Variants in ADARB2 observed in about 807,000 individuals in gnomAD.
The protein encoded by ADARB2 is adenosine deaminase RNA specific B2 (inactive).
A neutral mutation model predicts 62.2 loss-of-function variants in ADARB2; 25 were observed. The observed-to-expected ratio is 0.40, with a 90% CI of 0.29 to 0.56. The LOEUF (loss-of-function observed/expected upper bound fraction) is 0.56. Ranked by LOEUF, ADARB2 falls within the 20% of genes least tolerant of loss-of-function variation. The probability of loss-of-function intolerance (pLI) is 0.43; values close to 1 mark genes in which losing one functional copy is unlikely to be tolerated. For synonymous variants in ADARB2, 572 were observed against 500.8 expected (o/e 1.14, Z -1.90); for missense variants, 1,071 against 1,077.4 (o/e 0.99, Z 0.08).
At chr10:1,485,941 T>C (rs1831538117) in intron 1 of ADARB2, among the ~76,000 whole-genome samples, 1 of 152,228 alleles carries the variant, frequency 6.6e-6, no homozygotes, top group Admixed American at 6.5e-5. Flanking sequence ...TCTAACTTCA[T>C]CATTGGATTC....
rs375809007 is a variant in ADARB2 at position 1,546,813 on chromosome 10, A to G, written c.101-167653T>C. Among the ~76,000 whole-genome samples, 39 of 152,336 alleles carry G rather than the reference A, an allele frequency of 2.6e-4. 1 individual carries two copies. In the East Asian group the frequency reaches 7.5e-3, roughly 29 times the overall value. On this transcript the variant is annotated intron_variant, in intron 1 of 9. Coordinates refer to ENST00000381312, the MANE Select transcript of ADARB2 (RefSeq NM_018702.4). ...CCATTCCGATGGAAGGCCCTGACAA[A>G]CGACTCCCTGCAAAGCCGGATAAGC...
intron 3 of ADARB2, chr10:1,291,000 G>C (rs1831461233): frequency 6.6e-6 from 1 of 152,094 alleles, no homozygotes; most frequent in Non-Finnish European, 1.5e-5. Flanking sequence ...CCTCCGTTTG[G>C]GGCTGATTCA....
chr10:1,655,407 T>C (rs1834161276), intron 1 of ADARB2, among the ~76,000 whole-genome samples: 4 of 152,224 alleles, frequency 2.6e-5, no homozygotes, highest in Admixed American at 2.6e-4. Flanking sequence ...CATCCAGGCA[T>C]CTTTTCCGGG....
intron 1 of ADARB2, among the ~76,000 whole-genome samples, chr10:1,488,342 C>A (rs1831571723): frequency 6.6e-6 from 1 of 152,194 alleles, no homozygotes; most frequent in African/African-American, 2.4e-5. Flanking sequence ...ATGAGCAGGT[C>A]TGAGTAGCCA....
intron 4 of ADARB2, among the ~76,000 whole-genome samples, chr10:1,244,452 C>T (rs76492746): frequency 1.6e-3 from 237 of 152,288 alleles, no homozygotes; most frequent in African/African-American, 5.2e-3. Flanking sequence ...CTTTGGATTC[C>T]GTGGAAATTG....
Position 1,444,262 on chromosome 10 carries a change from CATCT to C in ADARB2, c.101-65106_101-65103del, listed in dbSNP as rs375874156. 1.7e-3 allele frequency among the ~76,000 whole-genome samples: 194 copies of C among 115,194 alleles called. 1 individual carries two copies. The highest frequency in any genetic ancestry group is 2.5e-3 in the Non-Finnish European group (139 of 56,138). The allele number at this position is 115,194 out of a possible 152,430, so 75.6% of individuals were successfully genotyped here. ...CCCATCTATCCATCCATTCACCATC[CATCT>C]ATTTCCATCTATCTACATCCATCCA... On this transcript the variant is annotated intron_variant, in intron 1 of 9. Coordinates refer to ENST00000381312, the MANE Select transcript of ADARB2 (RefSeq NM_018702.4).
intron 1 of ADARB2, among the ~76,000 whole-genome samples, chr10:1,723,912 T>C (rs1835129661): frequency 6.6e-6 from 1 of 152,194 alleles, no homozygotes; most frequent in Admixed American, 6.5e-5. Context: ...TTATGAATTT[T>C]CTGGCCCTTA....
intron 1 of ADARB2, among the ~76,000 whole-genome samples, chr10:1,659,987 T>G (rs1284431281): frequency 2.6e-5 from 4 of 151,844 alleles, no homozygotes; most frequent in Non-Finnish European, 2.9e-5. Context: ...CTGCCTGCCT[T>G]CCTTCCTCTC....
chr10:1,578,087 A>C (rs1010521979), intron 1 of ADARB2, among the ~76,000 whole-genome samples: 1 of 152,202 alleles, frequency 6.6e-6, no homozygotes, highest in Non-Finnish European at 1.5e-5. Context: ...GGCTTCTTTC[A>C]GCAGACCCAG....
chr10:1,478,620 G>A (rs947965569), intron 1 of ADARB2, among the ~76,000 whole-genome samples: 17 of 148,022 alleles, frequency 1.1e-4, no homozygotes, highest in Admixed American at 3.3e-4. Context: ...ATGGGAGTGC[G>A]CCAAAACAAG....
At chr10:1,656,421 T>A (rs1053885587) in intron 1 of ADARB2, among the ~76,000 whole-genome samples, 13 of 152,168 alleles carry the variant, frequency 8.5e-5, no homozygotes, top group African/African-American at 2.9e-4. Context: ...TGCAATCTCA[T>A]ATTGTGCTAA....
chr10:1,437,747 C>G (rs1253006488), intron 1 of ADARB2, among the ~76,000 whole-genome samples: 1 of 151,712 alleles, frequency 6.6e-6, no homozygotes, highest in Non-Finnish European at 1.5e-5. Flanking sequence ...GGGAAGGAAG[C>G]CAGCATTTCA....
chr10:1,225,179 T>G (rs1016718872), intron 6 of ADARB2, among the ~76,000 whole-genome samples: 1 of 152,220 alleles, frequency 6.6e-6, no homozygotes, highest in Non-Finnish European at 1.5e-5. Context: ...AATGGCCTTC[T>G]TTGTCTCTTT....
chr10:1,564,864 C>G (rs1023287531), intron 1 of ADARB2, among the ~76,000 whole-genome samples: 11 of 150,988 alleles, frequency 7.3e-5, no homozygotes, highest in Admixed American at 6.6e-4. Context: ...CTTAACAGCT[C>G]TTAGGGTCAG....
chr10:1,718,469 G>A (rs1356436115), intron 1 of ADARB2, among the ~76,000 whole-genome samples: 1 of 152,184 alleles, frequency 6.6e-6, no homozygotes, highest in Non-Finnish European at 1.5e-5. Flanking sequence ...GACCCGAAAT[G>A]TCACCCTTGC....
At chr10:1,418,480 G>A (rs745899096) in intron 1 of ADARB2, among the ~76,000 whole-genome samples, 5 of 152,214 alleles carry the variant, frequency 3.3e-5, no homozygotes, top group African/African-American at 7.2e-5. Context: ...AAGGTACCAA[G>A]GAGAAGCTCT....
rs1830932120 is a variant in ADARB2 at position 1,242,217 on chromosome 10, C to T, written c.1275G>A (p.Gly425=). 1 of 1,607,830 alleles carries T rather than the reference C, an allele frequency of 6.2e-7. No individual in the cohort carries two copies. The highest frequency in any genetic ancestry group is 8.5e-7 in the Non-Finnish European group (1 of 1,178,182). The change falls in exon 5 of 10, where the codon GGG becomes GGA. Residue 425 remains glycine, a synonymous_variant. Transcript: ENST00000381312. ...CISGEHLSDQ[G]LVVNDCHAEV... ...CCGCGTGGCAGTCATTCACCACCAGCCCCTGGTCACTGAGGTGCTCGCCGC... is the reference window on the plus strand; with the variant it reads ...CCGCGTGGCAGTCATTCACCACCAGTCCCTGGTCACTGAGGTGCTCGCCGC...
At chr10:1,355,389 C>T (rs1233986388) in intron 3 of ADARB2, among the ~76,000 whole-genome samples, 9 of 152,200 alleles carry the variant, frequency 5.9e-5, no homozygotes. Flanking sequence ...CTGCTCCACC[C>T]CTCAGTGACT....
intron 3 of ADARB2, among the ~76,000 whole-genome samples, chr10:1,298,850 T>C (rs1831548038): frequency 6.8e-6 from 1 of 147,340 alleles, no homozygotes; most frequent in Non-Finnish European, 1.5e-5. Context: ...AGTGATCCTC[T>C]CACTTTAGCC....
Sources: gnomAD v4.1 joint callset for allele counts (sites outside exome capture counted in the v4.1 genomes callset) on GRCh38, gnomAD v4.1.1 for gene constraint, MANE v1.5 for transcripts, NCBI Gene and HGNC (gene_info 2026-07-23, HGNC 2026-07-21) for gene names.